The following RNF216 variants were observed in gnomAD, a reference collection of about 807,000 sequenced individuals.
RNF216 encodes ring finger protein 216, also known as E3 ubiquitin-protein ligase RNF216.
In RNF216, 72 loss-of-function variants were observed where a neutral mutation model predicts 110.8. The ratio of observed to expected loss-of-function variants is 0.65; its 90% CI spans 0.54 to 0.79. RNF216 has a LOEUF of 0.79. Among genes scored for constraint, RNF216 ranks in the 30% least tolerant of loss-of-function variants. The probability of loss-of-function intolerance (pLI) is 0.00; values close to 1 mark genes in which losing one functional copy is unlikely to be tolerated. For synonymous variants in RNF216, 495 were observed against 407.5 expected (o/e 1.21, Z -2.59); for missense variants, 1,342 against 1,141.2 (o/e 1.18, Z -2.54).
intron 14 of RNF216, among the ~76,000 whole-genome samples, chr7:5,642,340 A>G (rs1016304885): frequency 6.6e-6 from 1 of 151,860 alleles, no homozygotes; most frequent in Non-Finnish European, 1.5e-5. Context: ...CAGTCTCCCA[A>G]GTAGCTGGGA....
intron 5 of RNF216, 100 bp from the exon 6 acceptor site, chr7:5,730,917 A>C (rs35889722): frequency 4.6e-5 from 67 of 1,451,160 alleles, no homozygotes; most frequent in Non-Finnish European, 6.3e-5. Context: ...TTAGTCACAC[A>C]TTACAACTGG....
rs570013800 is a variant in RNF216, at chr7:5,780,771, T to C, written c.-70+770A>G. ...GTTCTCTTTGCACGATCTAAGTACC[T>C]AGGACAGCTGCTACCCAGGCCCTTA... is the stretch of plus-strand genomic sequence containing the variant. On this transcript the variant is annotated intron_variant, in intron 1 of 16. Transcript: ENST00000389902. 2.6e-5 allele frequency among the ~76,000 whole-genome samples: 4 copies of C among 152,064 alleles called. No homozygotes were observed. The East Asian group carries it at 5.8e-4, about 22-fold the overall frequency.
chr7:5,700,414 A>G (rs1791890226), intron 13 of RNF216, among the ~76,000 whole-genome samples: 1 of 152,220 alleles, frequency 6.6e-6, no homozygotes, highest in Non-Finnish European at 1.5e-5. Context: ...TTCTTGAGGG[A>G]TTTTTATTGT....
intron 13 of RNF216, among the ~76,000 whole-genome samples, chr7:5,661,667 G>C (rs1789150686): frequency 6.6e-6 from 1 of 152,128 alleles, no homozygotes; most frequent in South Asian, 2.1e-4. Flanking sequence ...GCCAGGCGTG[G>C]TGGTGCAAGT....
chr7:5,723,027 T>G (rs1442743057), intron 8 of RNF216, among the ~76,000 whole-genome samples: 1 of 152,190 alleles, frequency 6.6e-6, no homozygotes, highest in African/African-American at 2.4e-5. Flanking sequence ...ACAGTAAGCT[T>G]TGAAGCCAGA....
chr7:5,760,979 A>G (rs371261520), intron 2 of RNF216, 24 bp downstream of exon 2: 15 of 1,529,978 alleles, frequency 9.8e-6, no homozygotes, highest in Non-Finnish European at 1.3e-5. Context: ...AGGGAAAGGG[A>G]TGAAGTGAGA....
intron 14 of RNF216, among the ~76,000 whole-genome samples, chr7:5,643,661 C>T (rs1787878095): frequency 6.6e-6 from 1 of 152,186 alleles, no homozygotes; most frequent in Non-Finnish European, 1.5e-5. Flanking sequence ...TGTGTGTATG[C>T]ATTCTTTTGC....
At chr7:5,679,667 G>A (rs1790527042) in intron 13 of RNF216, among the ~76,000 whole-genome samples, 1 of 152,186 alleles carries the variant, frequency 6.6e-6, no homozygotes, top group Non-Finnish European at 1.5e-5. Flanking sequence ...CGAGAGAATA[G>A]CCCTGTCATG....
At chr7:5,754,296 C>T (rs974507254) in intron 2 of RNF216, among the ~76,000 whole-genome samples, 4 of 151,822 alleles carry the variant, frequency 2.6e-5, no homozygotes, top group East Asian at 1.9e-4. Flanking sequence ...GCTAGGACAA[C>T]AGGTGCACAC....
At chr7:5,747,746 C>CAAA (rs1207043505) in intron 3 of RNF216, among the ~76,000 whole-genome samples, 5 of 7,012 alleles carry the variant, frequency 7.1e-4, no homozygotes, top group Non-Finnish European at 9.6e-4. Context: ...GACTCCATCT[C>CAAA]AAAAAAAAAA....
intron 13 of RNF216, among the ~76,000 whole-genome samples, chr7:5,677,260 G>A (rs1023786522): frequency 6.6e-6 from 1 of 152,202 alleles, no homozygotes; most frequent in Non-Finnish European, 1.5e-5. Flanking sequence ...GTCGCTATCT[G>A]CTGTTGTCTT....
At position 5,722,535 on chromosome 7, in the gene RNF216, C is replaced by T. The variant is rs11975614; in HGVS notation, c.1505-1363G>A. Among the ~76,000 whole-genome samples, 520 of 151,716 alleles carry T rather than the reference C, an allele frequency of 3.4e-3. 6 individuals carry two copies. The highest frequency in any genetic ancestry group is 0.012 in the African/African-American group (501 of 41,416). On this transcript the variant is annotated intron_variant, in intron 8 of 16. Transcript: ENST00000389902. ...CCTCCCGAGTAGCTGGGACTACAGG[C>T]GCCCGCCACCATGCCCGGCTAATTT... is the stretch of plus-strand genomic sequence containing the variant.
At chr7:5,640,674 G>A (rs769040988) in intron 15 of RNF216, among the ~76,000 whole-genome samples, 2 of 152,024 alleles carry the variant, frequency 1.3e-5, no homozygotes, top group African/African-American at 4.8e-5. Context: ...TAATAGAATT[G>A]TTAATATTAA....
intron 13 of RNF216, among the ~76,000 whole-genome samples, chr7:5,668,893 T>C (rs1044981378): frequency 1.3e-5 from 2 of 152,222 alleles, no homozygotes; most frequent in African/African-American, 4.8e-5. Flanking sequence ...CTAGTTAGCA[T>C]ACTATCCACC....
At chr7:5,734,483 T>C (rs1674533757) in intron 5 of RNF216, among the ~76,000 whole-genome samples, 1 of 152,196 alleles carries the variant, frequency 6.6e-6, no homozygotes, top group Non-Finnish European at 1.5e-5. Flanking sequence ...ATCTTTACTT[T>C]GTTCATTTTT....
intron 14 of RNF216, among the ~76,000 whole-genome samples, chr7:5,649,409 AAGGG>A (rs1788250245): frequency 6.6e-6 from 1 of 151,890 alleles, no homozygotes; most frequent in Non-Finnish European, 1.5e-5. Flanking sequence ...GACAGAAAGA[AAGGG>A]AGGGAGGATC....
In RNF216 at chr7:5,741,711, T is replaced by A; in HGVS notation, c.306A>T (p.Ala102=). The change falls in exon 4 of 17, where the codon GCA becomes GCT. Residue 102 remains alanine (A), a synonymous_variant. Coordinates refer to ENST00000389902, the MANE Select transcript of RNF216 (RefSeq NM_207111.4). ...AATAGCTGCTCTTATCTGATTCAAATGCTGCTCTAGACTTTTTAGGCCTTT... is the reference window on the plus strand; with the variant it reads ...AATAGCTGCTCTTATCTGATTCAAAAGCTGCTCTAGACTTTTTAGGCCTTT... ...GEERPKKSRA[A]FESDKSSYFS... is the part of the protein sequence containing the mutation. 1 of 1,614,240 alleles carries A rather than the reference T, an allele frequency of 6.2e-7. No individual in the cohort carries two copies. The highest frequency in any genetic ancestry group is 8.5e-7 in the Non-Finnish European group (1 of 1,180,044).
intron 1 of RNF216, among the ~76,000 whole-genome samples, chr7:5,770,757 T>C (rs1178066252): frequency 6.6e-6 from 1 of 151,370 alleles, no homozygotes; most frequent in Non-Finnish European, 1.5e-5. Flanking sequence ...AATATTGTAT[T>C]GACAAAAGAA....
Position 5,624,516 on chromosome 7 carries a change from GGCATGGCAGCCTGTCT to G in RNF216, c.2383-407_2383-392del, listed in dbSNP as rs1786589210. 2.0e-5 allele frequency among the ~76,000 whole-genome samples: 3 copies of G among 152,358 alleles called. No individual in the cohort carries two copies. Among genetic ancestry groups the G allele is most frequent in the Admixed American group, 2.0e-4 (3 of 15,302 alleles). ...TCAGATCCCAAGTCCACAAGCGCTC[GGCATGGCAGCCTGTCT>G]GCAGAGCCTGGAAAAGTCTTGCAGA... On this transcript the variant is annotated intron_variant, in intron 15 of 16. Coordinates refer to ENST00000389902, the MANE Select transcript of RNF216 (RefSeq NM_207111.4). This position sits in a 1 kb window ranked among gnomAD's most constrained non-coding sequence, Gnocchi z 4.4.
Sources: gnomAD v4.1 joint callset for allele counts (sites outside exome capture counted in the v4.1 genomes callset) on GRCh38, gnomAD v4.1.1 for gene constraint, Gnocchi (gnomAD v3.1) non-coding constraint, MANE v1.5 for transcripts, NCBI Gene and HGNC (gene_info 2026-07-23, HGNC 2026-07-21) for gene names.